Variants in NRG3 observed in about 807,000 individuals in gnomAD.
NRG3 encodes pro-neuregulin-3, membrane-bound isoform.
Under a neutral mutation model 66.9 loss-of-function variants are expected in NRG3, and 31 were observed. The ratio of observed to expected loss-of-function variants is 0.46; its 90% CI spans 0.35 to 0.63. NRG3 has a LOEUF of 0.63. Ranked by LOEUF, NRG3 falls within the 20% of genes least tolerant of loss-of-function variation. The pLI, the probability that NRG3 is intolerant of heterozygous loss-of-function variation, is 0.00. For missense variants in NRG3, 910 were observed against 878.9 expected (o/e 1.04, Z -0.45); for synonymous variants, 393 against 359.4 (o/e 1.09, Z -1.06).
At chr10:82,857,733 C>T (rs2063888065) in intron 3 of NRG3, among the ~76,000 whole-genome samples, 1 of 152,100 alleles carries the variant, frequency 6.6e-6, no homozygotes, top group African/African-American at 2.4e-5. Flanking sequence ...TTTTTACATT[C>T]CACTTTTTAT....
chr10:82,361,219 C>T (rs1235667864), intron 2 of NRG3, among the ~76,000 whole-genome samples: 1 of 152,128 alleles, frequency 6.6e-6, no homozygotes, highest in African/African-American at 2.4e-5. Context: ...AAATGATGTA[C>T]ATATTTAATA....
intron 1 of NRG3, among the ~76,000 whole-genome samples, chr10:82,265,559 G>A (rs376662540): frequency 7.2e-4 from 109 of 152,272 alleles, no homozygotes; most frequent in Non-Finnish European, 1.3e-3. Flanking sequence ...TGGATGTGGC[G>A]TAATAATAGA....
chr10:82,396,255 C>T lies in NRG3; in HGVS notation c.953+37387C>T, dbSNP rs531756514. ...ACATTTTTTTTCATCCTTCTTGTCA[C>T]TACCACTTTCCATATTTATATCAAT... On this transcript the variant is annotated intron_variant, in intron 2 of 8. Coordinates refer to ENST00000372141, the MANE Select transcript of NRG3 (RefSeq NM_001010848.4). 7.9e-5 allele frequency among the ~76,000 whole-genome samples: 12 copies of T among 152,248 alleles called. No homozygotes were observed. In the South Asian group the frequency reaches 1.9e-3, roughly 24 times the overall value.
intron 3 of NRG3, among the ~76,000 whole-genome samples, chr10:82,799,166 G>A (rs1413583667): frequency 6.6e-6 from 1 of 152,150 alleles, no homozygotes; most frequent in Non-Finnish European, 1.5e-5. Context: ...AAAAGATGCT[G>A]AGACTTATTG....
At chr10:82,922,979 T>A (rs749822942) in intron 4 of NRG3, among the ~76,000 whole-genome samples, 2 of 152,122 alleles carry the variant, frequency 1.3e-5, no homozygotes, top group Non-Finnish European at 2.9e-5. Context: ...CCTAAACATC[T>A]CTCAGAGTAT....
chr10:82,867,190 A>T (rs1315767053), intron 4 of NRG3, among the ~76,000 whole-genome samples: 1 of 152,154 alleles, frequency 6.6e-6, no homozygotes, highest in Non-Finnish European at 1.5e-5. Context: ...TGTTTAAGGT[A>T]GCAAATGACT....
At chr10:82,527,688 C>T (rs1423996083) in intron 2 of NRG3, among the ~76,000 whole-genome samples, 2 of 152,158 alleles carry the variant, frequency 1.3e-5, no homozygotes, top group African/African-American at 2.4e-5. Context: ...TCTTCTCTAA[C>T]CCTTCCAGGG....
intron 1 of NRG3, among the ~76,000 whole-genome samples, chr10:82,357,877 G>A (rs2083883211): frequency 6.6e-6 from 1 of 152,138 alleles, no homozygotes; most frequent in Non-Finnish European, 1.5e-5. Context: ...AAAAGCTTAA[G>A]CATTGAATAA....
intron 1 of NRG3, among the ~76,000 whole-genome samples, chr10:81,933,951 G>A (rs1237197140): frequency 2.0e-5 from 3 of 152,130 alleles, no homozygotes; most frequent in Admixed American, 6.5e-5. Context: ...CCTCTAATTT[G>A]TGAAATTAAA....
At chr10:81,930,380 C>G (rs572452833) in intron 1 of NRG3, among the ~76,000 whole-genome samples, 3 of 152,058 alleles carry the variant, frequency 2.0e-5, no homozygotes, top group African/African-American at 7.2e-5. Context: ...ATTATACTTA[C>G]AGTTTTATTG....
intron 1 of NRG3, among the ~76,000 whole-genome samples, chr10:82,291,717 G>T (rs2079760293): frequency 6.6e-6 from 1 of 152,092 alleles, no homozygotes; most frequent in Non-Finnish European, 1.5e-5. Context: ...CAGGATACAA[G>T]TTTCAACAAA....
intron 1 of NRG3, among the ~76,000 whole-genome samples, chr10:82,190,417 T>G (rs2074070004): frequency 6.6e-6 from 1 of 152,216 alleles, no homozygotes; most frequent in African/African-American, 2.4e-5. Flanking sequence ...TTAATTATTT[T>G]ATAAAATGTA....
chr10:82,168,745 T>G (rs1216269881), intron 1 of NRG3, among the ~76,000 whole-genome samples: 1 of 152,174 alleles, frequency 6.6e-6, no homozygotes, highest in Non-Finnish European at 1.5e-5. Flanking sequence ...TGTTTGTTTC[T>G]TAACCAGATT....
intron 1 of NRG3, among the ~76,000 whole-genome samples, chr10:82,168,272 ATT>A (rs2072264024): frequency 6.6e-6 from 1 of 152,026 alleles, no homozygotes. Context: ...CTTGAAACCT[ATT>A]CCAAGGCTCT....
intron 2 of NRG3, among the ~76,000 whole-genome samples, chr10:82,541,578 C>T (rs1261622799): frequency 1.8e-4 from 27 of 152,164 alleles, no homozygotes; most frequent in Admixed American, 1.6e-3. Flanking sequence ...TTTCACAGTG[C>T]TTTTCCATAC....
chr10:82,745,238 T>C (rs2058595087), intron 3 of NRG3, among the ~76,000 whole-genome samples: 1 of 152,192 alleles, frequency 6.6e-6, no homozygotes, highest in Non-Finnish European at 1.5e-5. Flanking sequence ...AGCTGCACAC[T>C]GCCCGACTTC....
intron 2 of NRG3, among the ~76,000 whole-genome samples, chr10:82,616,071 G>T (rs762326327): frequency 4.6e-5 from 7 of 152,150 alleles, no homozygotes; most frequent in Non-Finnish European, 1.0e-4. Context: ...AGGGATGACT[G>T]CCATGTGCAA....
chr10:82,482,789 T>C (rs1270693552), intron 2 of NRG3, among the ~76,000 whole-genome samples: 2 of 152,182 alleles, frequency 1.3e-5, no homozygotes, highest in East Asian at 1.9e-4. Context: ...TTAATCTTCA[T>C]AGAGGTGCAA....
At chr10:82,454,230 C>G (rs1309434204) in intron 2 of NRG3, among the ~76,000 whole-genome samples, 1 of 152,146 alleles carries the variant, frequency 6.6e-6, no homozygotes, top group Admixed American at 6.5e-5. Flanking sequence ...AGATATGGCT[C>G]TCCCAGAACC....
Sources: gnomAD v4.1 joint callset for allele counts (sites outside exome capture counted in the v4.1 genomes callset) on GRCh38, gnomAD v4.1.1 for gene constraint, MANE v1.5 for transcripts, NCBI Gene and HGNC (gene_info 2026-07-23, HGNC 2026-07-21) for gene names.